CREB5: variants seen among roughly 807,000 people sequenced by gnomAD.
CREB5 encodes the protein cyclic AMP-responsive element-binding protein 5.
CREB5 carries 19 observed loss-of-function variants against 57.1 expected under a neutral mutation model. The ratio of observed to expected loss-of-function variants is 0.33; its 90% CI spans 0.23 to 0.49. CREB5 has a LOEUF of 0.49. CREB5 is among the 20% of genes least tolerant of loss of function. The pLI is 0.99. For missense variants in CREB5, 579 were observed against 671.6 expected (o/e 0.86, Z 1.52); for synonymous variants, 238 against 238.3 (o/e 1.00, Z 0.01).
chr7:28,382,019 G>A (rs1008864045), intron 1 of CREB5, among the ~76,000 whole-genome samples: 6 of 152,220 alleles, frequency 3.9e-5, no homozygotes, highest in African/African-American at 1.2e-4. Context: ...AAGTCTGAAG[G>A]CCTCAGAGTG....
intron 4 of CREB5, among the ~76,000 whole-genome samples, chr7:28,546,271 ATGT>A (rs1430100051): frequency 1.3e-5 from 2 of 152,158 alleles, no homozygotes; most frequent in Non-Finnish European, 2.9e-5. Flanking sequence ...GATGTACCAC[ATGT>A]TGTTTATCCA....
chr7:28,383,983 C>G (rs546156900), intron 1 of CREB5, among the ~76,000 whole-genome samples: 102 of 152,210 alleles, frequency 6.7e-4, no homozygotes, highest in African/African-American at 2.4e-3. Flanking sequence ...TTTAAGGAGT[C>G]CTTATTTTAT....
chr7:28,616,643 C>T (rs1018336062), intron 5 of CREB5, among the ~76,000 whole-genome samples: 1 of 152,064 alleles, frequency 6.6e-6, no homozygotes, highest in Admixed American at 6.5e-5. Context: ...TTAGTGGACT[C>T]CAGGCTTCTA....
chr7:28,704,958 C>T (rs1370123156), intron 5 of CREB5, among the ~76,000 whole-genome samples: 3 of 152,156 alleles, frequency 2.0e-5, no homozygotes, highest in African/African-American at 7.2e-5. Flanking sequence ...TATTCAAAGC[C>T]ATATCATGCA....
At chr7:28,596,588 G>C (rs182301187) in intron 5 of CREB5, among the ~76,000 whole-genome samples, 122 of 152,298 alleles carry the variant, frequency 8.0e-4, no homozygotes, top group Middle Eastern at 3.4e-3. Context: ...TGCTATAAGT[G>C]AAGTCTTTTG....
intron 5 of CREB5, among the ~76,000 whole-genome samples, chr7:28,579,512 A>G (rs576679233): frequency 1.1e-4 from 17 of 152,326 alleles, no homozygotes; most frequent in South Asian, 8.3e-4. Flanking sequence ...GTAAAATGAT[A>G]GGACCCTTGT....
At chr7:28,652,515 A>G (rs544417284) in intron 5 of CREB5, among the ~76,000 whole-genome samples, 12 of 152,316 alleles carry the variant, frequency 7.9e-5, no homozygotes, top group Admixed American at 6.5e-4. Flanking sequence ...GTAGAGTGGA[A>G]AGAGGCTAGC....
At chr7:28,349,359 C>T (rs770055704) in intron 1 of CREB5, among the ~76,000 whole-genome samples, 4 of 151,906 alleles carry the variant, frequency 2.6e-5, no homozygotes, top group Non-Finnish European at 5.9e-5. Flanking sequence ...TTAGCTTTCC[C>T]TAATTTTCAA....
intron 4 of CREB5, among the ~76,000 whole-genome samples, chr7:28,554,559 T>A (rs1314527948): frequency 6.6e-6 from 1 of 152,246 alleles, no homozygotes; most frequent in East Asian, 1.9e-4. Flanking sequence ...ATGGATCTGC[T>A]TTTTTCTTTT....
At chr7:28,738,962 A>G (rs7784479) in intron 7 of CREB5, among the ~76,000 whole-genome samples, 38,882 of 152,232 alleles carry the variant, frequency 0.26, 5,503 homozygotes, top group Middle Eastern at 0.36. Context: ...AGATACAATG[A>G]TAAATAAGCT....
intron 5 of CREB5, among the ~76,000 whole-genome samples, chr7:28,607,634 G>A (rs970352307): frequency 2.6e-5 from 4 of 152,132 alleles, no homozygotes; most frequent in Non-Finnish European, 4.4e-5. Context: ...TGGAAGTGTA[G>A]TGCATTGGAA....
At chr7:28,620,287 C>T (rs952448921) in intron 5 of CREB5, among the ~76,000 whole-genome samples, 5 of 152,056 alleles carry the variant, frequency 3.3e-5, no homozygotes, top group African/African-American at 1.2e-4. Context: ...CCAGGCTGGT[C>T]CTTTAATTTC....
At chr7:28,578,671 GA>G (rs1413986415) in intron 5 of CREB5, among the ~76,000 whole-genome samples, 1 of 152,174 alleles carries the variant, frequency 6.6e-6, no homozygotes, top group Non-Finnish European at 1.5e-5. Context: ...AATTAAAAAA[GA>G]AGCATTAATC....
rs547298747 is a variant in CREB5 at position 28,425,196 on chromosome 7, A to G, written c.3+12279A>G. ...ATGGCCAAAAATGTGGAAATAACTC[A>G]AAGCCCATCAACTGTTGAGTAGATA... On this transcript the variant is annotated intron_variant, in intron 1 of 10. Transcript: ENST00000357727. Among the ~76,000 whole-genome samples the G allele has an allele frequency of 5.3e-5, 8 of 152,322 alleles. No homozygotes were observed. The South Asian group carries it at 1.7e-3, about 32-fold the overall frequency.
chr7:28,731,624 A>G (rs1306175667), intron 7 of CREB5, among the ~76,000 whole-genome samples: 1 of 152,228 alleles, frequency 6.6e-6, no homozygotes, highest in Non-Finnish European at 1.5e-5. Flanking sequence ...CCTGATTTTC[A>G]AGTGTGTTGA....
At chr7:28,609,666 C>T (rs1797310127) in intron 5 of CREB5, among the ~76,000 whole-genome samples, 1 of 152,144 alleles carries the variant, frequency 6.6e-6, no homozygotes, top group African/African-American at 2.4e-5. Context: ...CCAAGTCTAC[C>T]TTGTTGAGTT....
chr7:28,741,585 C>T (rs1017663692), intron 7 of CREB5, among the ~76,000 whole-genome samples: 4 of 152,142 alleles, frequency 2.6e-5, no homozygotes, highest in South Asian at 2.1e-4. Context: ...CAATTAAGTA[C>T]GTTTTGAACT....
intron 7 of CREB5, among the ~76,000 whole-genome samples, chr7:28,743,352 G>T (rs1458632693): frequency 6.6e-6 from 1 of 152,110 alleles, no homozygotes; most frequent in Non-Finnish European, 1.5e-5. Context: ...GGGCAACCTG[G>T]TGAAACCTCA....
chr7:28,440,497 C>T lies in CREB5; in HGVS notation c.3+27580C>T, dbSNP rs76103823. ...CGCCAGTTGCATGATATATTGCAGC[C>T]TTATTCTCCCAGGCCAGTCCTGCCC... On this transcript the variant is annotated intron_variant, in intron 1 of 10. Transcript: ENST00000357727. 4.7e-3 allele frequency among the ~76,000 whole-genome samples: 713 copies of T among 152,262 alleles called. 4 individuals are homozygous for T. Among genetic ancestry groups the T allele is most frequent in the African/African-American group, 0.016 (662 of 41,540 alleles).
Sources: allele counts gnomAD v4.1 joint callset (sites outside exome capture counted in the v4.1 genomes callset), GRCh38; gene constraint gnomAD v4.1.1; transcripts MANE v1.5; gene names NCBI Gene and HGNC (gene_info 2026-07-23, HGNC 2026-07-21).